The following DCAF8L2 variants were observed in gnomAD, a reference collection of about 807,000 sequenced individuals.
DCAF8L2 encodes DDB1 and CUL4 associated factor 8 like 2.
For missense variants in DCAF8L2, 430 were observed against 490.7 expected, an observed-to-expected ratio of 0.88 and a Z score of 1.17; for synonymous variants, 200 against 190.9, an observed-to-expected ratio of 1.05 and a Z score of -0.39.
the DCAF8L2 span, among the ~76,000 whole-genome samples, chrX:27,502,492 C>T: frequency 9.8e-6 from 1 of 101,839 alleles, no homozygotes; most frequent in African/African-American, 3.5e-5. Flanking sequence ...CAGATGTGTT[C>T]TTTACCAGGG....
At chrX:27,626,815 G>A (rs749617140) in intron 1 of DCAF8L2, among the ~76,000 whole-genome samples, 5 of 111,416 alleles carry the variant, frequency 4.5e-5, no homozygotes, top group African/African-American at 1.3e-4. Context: ...AAGGCAAAAA[G>A]TAGATAAATG....
intron 1 of DCAF8L2, among the ~76,000 whole-genome samples, chrX:27,624,675 G>A (rs1219892199): frequency 9.0e-6 from 1 of 111,235 alleles, no homozygotes; most frequent in Non-Finnish European, 1.9e-5. Context: ...CAGTAGAATA[G>A]AATAGAGAAC....
intron 3 of DCAF8L2, among the ~76,000 whole-genome samples, chrX:27,714,130 T>C (rs999148104): frequency 9.0e-6 from 1 of 111,581 alleles, no homozygotes; most frequent in African/African-American, 3.3e-5. Context: ...CCATCCCTGA[T>C]AAACATCTTC....
At chrX:27,615,795 A>G (rs1326852370) in intron 1 of DCAF8L2, among the ~76,000 whole-genome samples, 2 of 111,451 alleles carry the variant, frequency 1.8e-5, no homozygotes, top group African/African-American at 6.5e-5. Context: ...TAAATCCTCA[A>G]TATTCAAAGA....
chrX:27,670,866 A>G (rs1929929502), intron 2 of DCAF8L2, among the ~76,000 whole-genome samples: 1 of 111,734 alleles, frequency 8.9e-6, no homozygotes, highest in Non-Finnish European at 1.9e-5. Flanking sequence ...CCTTTCTGCC[A>G]TAAGTGGAAG....
chrX:27,600,767 C>G (rs1602641632), intron 1 of DCAF8L2, among the ~76,000 whole-genome samples: 1 of 111,676 alleles, frequency 9.0e-6, no homozygotes, highest in Non-Finnish European at 1.9e-5. Flanking sequence ...TAATGGTGCT[C>G]TAAGAATTGC....
the DCAF8L2 span, among the ~76,000 whole-genome samples, chrX:27,490,379 G>A: frequency 8.9e-6 from 1 of 112,090 alleles, no homozygotes; most frequent in East Asian, 2.8e-4. Flanking sequence ...AAGTGTAGTT[G>A]TGTTACATGG....
chrX:27,632,410 C>T (rs1167566910), intron 2 of DCAF8L2: 1 of 111,175 alleles, frequency 9.0e-6, no homozygotes, highest in East Asian at 2.8e-4. Flanking sequence ...CCATTTTATT[C>T]AGAACAGGTC....
At chrX:27,629,424 C>T (rs993554525) in intron 1 of DCAF8L2, among the ~76,000 whole-genome samples, 2 of 110,149 alleles carry the variant, frequency 1.8e-5, no homozygotes, top group Non-Finnish European at 3.8e-5. Flanking sequence ...CTCTCTTTTT[C>T]TTTCTCTCTC....
intron 3 of DCAF8L2, among the ~76,000 whole-genome samples, chrX:27,701,899 G>T (rs1931142613): frequency 9.7e-6 from 1 of 103,360 alleles, no homozygotes; most frequent in Admixed American, 1.0e-4. Context: ...AGAAAAAAAA[G>T]CAAAGAAAAT....
At chrX:27,530,749 A>G in the DCAF8L2 span, among the ~76,000 whole-genome samples, 2 of 111,804 alleles carry the variant, frequency 1.8e-5, no homozygotes, top group Non-Finnish European at 3.8e-5. Flanking sequence ...AATTACACTC[A>G]CTCATTGAAT....
At chrX:27,546,167 A>G in the DCAF8L2 span, among the ~76,000 whole-genome samples, 1 of 107,717 alleles carries the variant, frequency 9.3e-6, no homozygotes, top group African/African-American at 3.3e-5. Context: ...GCCAAAACGA[A>G]GGGGATACAA....
chrX:27,659,975 G>A (rs375741290), intron 2 of DCAF8L2, among the ~76,000 whole-genome samples: 32 of 110,761 alleles, frequency 2.9e-4, no homozygotes, highest in African/African-American at 1.0e-3. Context: ...TCCTTCTTTG[G>A]AGTTGGCATG....
At chrX:27,604,697 A>G (rs896272410) in intron 1 of DCAF8L2, among the ~76,000 whole-genome samples, 6 of 112,082 alleles carry the variant, frequency 5.4e-5, no homozygotes, top group Non-Finnish European at 9.4e-5. Flanking sequence ...CAACTTTTCC[A>G]TGAATATTAT....
intron 2 of DCAF8L2, chrX:27,632,459 A>AT (rs1193748090): frequency 1.8e-5 from 2 of 111,144 alleles, no homozygotes; most frequent in African/African-American, 6.5e-5. Context: ...CATGGTTTTC[A>AT]TCCCCTAATT....
intron 2 of DCAF8L2, chrX:27,677,137 G>A (rs1930166682): frequency 9.0e-6 from 1 of 111,485 alleles, no homozygotes. Context: ...AGATAACAAG[G>A]TGAATAAATC....
chrX:27,539,230 C>A, the DCAF8L2 span, among the ~76,000 whole-genome samples: 1 of 111,190 alleles, frequency 9.0e-6, no homozygotes, highest in African/African-American at 3.3e-5. Context: ...TGATTTATAT[C>A]AAAAATGTTT....
the DCAF8L2 span, among the ~76,000 whole-genome samples, chrX:27,496,241 T>TA: frequency 8.9e-6 from 1 of 112,061 alleles, no homozygotes; most frequent in Non-Finnish European, 1.9e-5. Flanking sequence ...ATTGATGTTT[T>TA]AAAAAACTTT....
chrX:27,640,874 A>C (rs1336633338), intron 2 of DCAF8L2, among the ~76,000 whole-genome samples: 2 of 111,773 alleles, frequency 1.8e-5, no homozygotes, highest in Non-Finnish European at 3.8e-5. Context: ...AATGATGTTC[A>C]TATACATTTA....
Sources: allele counts gnomAD v4.1 joint callset (sites outside exome capture counted in the v4.1 genomes callset), GRCh38; gene constraint gnomAD v4.1.1; transcripts MANE v1.5; gene names NCBI Gene and HGNC (gene_info 2026-07-23, HGNC 2026-07-21).